The following SLC31A2 variants were observed in gnomAD, a reference collection of about 807,000 sequenced individuals.
SLC31A2 encodes the protein solute carrier family 31 member 2, also known as protein SLC31A2.
A neutral mutation model predicts 14.4 loss-of-function variants in SLC31A2; 16 were observed. The observed-to-expected ratio is 1.11, with a 90% CI of 0.75 to 1.69. The LOEUF (loss-of-function observed/expected upper bound fraction) is 1.69. SLC31A2 is among the 40% of genes most tolerant of loss of function. SLC31A2 has a pLI of 0.00. For synonymous variants in SLC31A2, 56 were observed against 68.7 expected, an observed-to-expected ratio of 0.82 and a Z score of 0.91; for missense variants, 140 against 173.9, an observed-to-expected ratio of 0.81 and a Z score of 1.10.
chr9:113,151,151 A>T lies in SLC31A2; in HGVS notation c.6+71A>T. ...GGTCTCCTGGAGCTGCCATCTCGGC[A>T]CCCCGAATCCTCGCTGCCGCTGGCC... is the stretch of plus-strand genomic sequence containing the variant. On this transcript the variant is annotated intron_variant, in intron 1 of 3. Coordinates refer to ENST00000259392, the MANE Select transcript of SLC31A2 (RefSeq NM_001860.3). This position sits in a 1 kb window ranked among gnomAD's most constrained non-coding sequence, Gnocchi z 4.2. The T allele has an allele frequency of 7.9e-7, 1 of 1,263,950 alleles. No homozygotes were observed. Among genetic ancestry groups the T allele is most frequent in the East Asian group, 3.0e-5 (1 of 33,260 alleles). 78.3% of individuals were successfully genotyped at this position (1,263,950 alleles called of 1,614,324 possible). A position where few individuals can be genotyped will look rare whatever the true frequency, so the allele number is the denominator to read the frequency against.
intron 1 of SLC31A2, 52 bp from the exon 2 acceptor site, chr9:113,157,675 C>T (rs971002379): frequency 1.9e-5 from 28 of 1,452,492 alleles, no homozygotes; most frequent in African/African-American, 5.6e-5. Context: ...CATTAAGGAC[C>T]GTAACTTCCA....
At chr9:113,160,031 G>C (rs1331909718) in intron 2 of SLC31A2, among the ~76,000 whole-genome samples, 1 of 152,126 alleles carries the variant, frequency 6.6e-6, no homozygotes, top group East Asian at 1.9e-4. Flanking sequence ...AAAAAAATTA[G>C]CCAGGCGTGG....
intron 1 of SLC31A2, among the ~76,000 whole-genome samples, chr9:113,153,682 G>A (rs369101301): frequency 1.1e-4 from 17 of 152,174 alleles, no homozygotes; most frequent in African/African-American, 3.9e-4. Context: ...CAGTCCCTCA[G>A]AAGACACAGA....
At chr9:113,157,318 G>T (rs1239142691) in intron 1 of SLC31A2, among the ~76,000 whole-genome samples, 1 of 152,212 alleles carries the variant, frequency 6.6e-6, no homozygotes, top group African/African-American at 2.4e-5. Flanking sequence ...GGACAAAGAG[G>T]ACTCCAGGCT....
intron 1 of SLC31A2, among the ~76,000 whole-genome samples, chr9:113,155,843 A>C (rs1829926439): frequency 6.6e-6 from 1 of 152,142 alleles, no homozygotes; most frequent in Non-Finnish European, 1.5e-5. Flanking sequence ...GGCTTTGCAG[A>C]GTTTTCCCCC....
At chr9:113,157,901 C>A in intron 2 of SLC31A2, 108 bp downstream of exon 2, 1 of 811,608 alleles carries the variant, frequency 1.2e-6, no homozygotes, top group South Asian at 1.4e-5. Flanking sequence ...GAGGCTGATT[C>A]CTCTGGCATA....
At position 113,151,043 on chromosome 9, in the gene SLC31A2, C is replaced by G. The variant is rs774885682; in HGVS notation, c.-32C>G. The G allele has an allele frequency of 7.7e-7, 1 of 1,303,778 alleles. No individual in the cohort carries two copies. Among genetic ancestry groups the G allele is most frequent in the South Asian group, 2.8e-5 (1 of 35,122 alleles). The allele number at this position is 1,303,778 out of a possible 1,614,324, so 80.8% of individuals were successfully genotyped here. A position where few individuals can be genotyped will look rare whatever the true frequency, so the allele number is the denominator to read the frequency against. On this transcript the variant is annotated 5_prime_UTR_variant, in exon 1 of 4. Transcript: ENST00000259392. This position sits in a 1 kb window ranked among gnomAD's most constrained non-coding sequence, Gnocchi z 4.2. Reference sequence around the variant, plus strand: ...GAGCGAGGAGACCCGAGCGAGCAGACGCGGCCCTGGCGCCCGCCCTGCGCA... The same window carrying G: ...GAGCGAGGAGACCCGAGCGAGCAGAGGCGGCCCTGGCGCCCGCCCTGCGCA...
chr9:113,157,648 G>C, intron 1 of SLC31A2, 79 bp from the exon 2 acceptor site: 1 of 1,194,824 alleles, frequency 8.4e-7, no homozygotes. Flanking sequence ...TGGGCTCCCA[G>C]AGGAGGTGCT....
intron 1 of SLC31A2, among the ~76,000 whole-genome samples, chr9:113,153,317 A>G (rs1212551702): frequency 6.6e-6 from 1 of 152,052 alleles, no homozygotes; most frequent in East Asian, 1.9e-4. Flanking sequence ...TCATGTTGTG[A>G]TGTGACCGCC....
At chr9:113,161,172 A>G (rs1008274329) in intron 2 of SLC31A2, 3 of 228,338 alleles carry the variant, frequency 1.3e-5, no homozygotes, top group Non-Finnish European at 2.5e-5. Flanking sequence ...CATTTTTTGC[A>G]TACTTACATA....
intron 1 of SLC31A2, chr9:113,156,019 G>C (rs2118828481): frequency 1.9e-6 from 1 of 518,874 alleles, no homozygotes; most frequent in South Asian, 1.4e-5. Flanking sequence ...TGTGGTTTAG[G>C]GCTGTCGTCT....
chr9:113,153,927 T>A (rs1459235517), intron 1 of SLC31A2, among the ~76,000 whole-genome samples: 1 of 152,012 alleles, frequency 6.6e-6, no homozygotes, highest in Non-Finnish European at 1.5e-5. Context: ...GAGAGATGCA[T>A]AGATGTGGTG....
chr9:113,151,044 G>C lies in SLC31A2; in HGVS notation c.-31G>C. The C allele has an allele frequency of 7.7e-7, 1 of 1,303,106 alleles. No individual in the cohort carries two copies. The highest frequency in any genetic ancestry group is 9.8e-7 in the Non-Finnish European group (1 of 1,019,734). 80.7% of individuals were successfully genotyped at this position (1,303,106 alleles called of 1,614,324 possible). ...AGCGAGGAGACCCGAGCGAGCAGACGCGGCCCTGGCGCCCGCCCTGCGCAC... is the reference window on the plus strand; with the variant it reads ...AGCGAGGAGACCCGAGCGAGCAGACCCGGCCCTGGCGCCCGCCCTGCGCAC... On this transcript the variant is annotated 5_prime_UTR_variant, in exon 1 of 4. Coordinates refer to ENST00000259392, the MANE Select transcript of SLC31A2 (RefSeq NM_001860.3). The surrounding 1 kb of genome is among the most constrained non-coding windows in gnomAD (Gnocchi z 4.2).
chr9:113,154,044 T>C (rs1210339199), intron 1 of SLC31A2, among the ~76,000 whole-genome samples: 1 of 152,154 alleles, frequency 6.6e-6, no homozygotes, highest in Non-Finnish European at 1.5e-5. Context: ...TGATCTTGGC[T>C]CACTGCAACC....
chr9:113,151,037 A>T lies in SLC31A2; in HGVS notation c.-38A>T, dbSNP rs1829856026. On this transcript the variant is annotated 5_prime_UTR_variant, in exon 1 of 4. Transcript: ENST00000259392. This position sits in a 1 kb window ranked among gnomAD's most constrained non-coding sequence, Gnocchi z 4.2. ...GACTCGGAGCGAGGAGACCCGAGCG[A>T]GCAGACGCGGCCCTGGCGCCCGCCC... The T allele has an allele frequency of 7.7e-7, 1 of 1,301,318 alleles. No individual in the cohort carries two copies. 80.6% of individuals were successfully genotyped at this position (1,301,318 alleles called of 1,614,324 possible). A position where few individuals can be genotyped will look rare whatever the true frequency, so the allele number is the denominator to read the frequency against.
intron 2 of SLC31A2, 177 bp downstream of exon 2, chr9:113,157,970 G>T: frequency 1.5e-6 from 1 of 686,396 alleles, no homozygotes; most frequent in South Asian, 1.5e-5. Flanking sequence ...CCTTCAGATC[G>T]CAAAGGGCTC....
In SLC31A2 at chr9:113,161,546, T is replaced by A. The variant is rs748608051; in HGVS notation, c.111T>A (p.Ala37=). The change falls in exon 3 of 4, where the codon GCT becomes GCA. Residue 37 remains alanine, a synonymous_variant. Transcript: ENST00000259392. The stretch of plus-strand genomic sequence containing the variant: ...CGGTGTTGGTGCTCCTGCTTCTGGC[T>A]GTACTGTATGAAGGCATCAAGGTTG... ...ALSVLVLLLL[A]VLYEGIKVGK... The A allele has an allele frequency of 6.2e-7, 1 of 1,614,052 alleles. No individual in the cohort carries two copies. Among genetic ancestry groups the A allele is most frequent in the Non-Finnish European group, 8.5e-7 (1 of 1,179,904 alleles).
At chr9:113,152,496 A>T (rs555472198) in intron 1 of SLC31A2, among the ~76,000 whole-genome samples, 1 of 152,154 alleles carries the variant, frequency 6.6e-6, no homozygotes, top group Admixed American at 6.5e-5. Flanking sequence ...TCATCTTCCC[A>T]GCTATCTCCT....
intron 1 of SLC31A2, 132 bp from the exon 2 acceptor site, chr9:113,157,595 A>G (rs377133770): frequency 1.3e-5 from 9 of 690,276 alleles, no homozygotes; most frequent in African/African-American, 1.3e-4. Flanking sequence ...GGCCCTGATG[A>G]CTTCTGATGG....
Sources: gnomAD v4.1 joint callset for allele counts (sites outside exome capture counted in the v4.1 genomes callset) on GRCh38, gnomAD v4.1.1 for gene constraint, Gnocchi (gnomAD v3.1) non-coding constraint, MANE v1.5 for transcripts, NCBI Gene and HGNC (gene_info 2026-07-23, HGNC 2026-07-21) for gene names.